The following ANO3 variants were observed in gnomAD, a reference collection of about 807,000 sequenced individuals.
ANO3 encodes the protein anoctamin-3.
ANO3 carries 99 observed loss-of-function variants against 144.8 expected under a neutral mutation model. The observed-to-expected ratio is 0.68, with a 90% CI of 0.58 to 0.81. ANO3 has a LOEUF of 0.81. Among genes scored for constraint, ANO3 ranks in the 30% least tolerant of loss-of-function variants. ANO3 has a pLI of 0.00. For missense variants in ANO3, 905 were observed against 1,202.2 expected (o/e 0.75, Z 3.66); for synonymous variants, 414 against 392.6 (o/e 1.05, Z -0.64).
chr11:26,312,098 G>C lies in ANO3; in HGVS notation c.-3+2379G>C, dbSNP rs7930639. Reference sequence around the variant, plus strand: ...CTATGAGTGAGAGCATGCAGTGTTTGGTTTTCTGTCCTTGCGATAGTTTGC... The same window carrying C: ...CTATGAGTGAGAGCATGCAGTGTTTCGTTTTCTGTCCTTGCGATAGTTTGC... On this transcript the variant is annotated intron_variant, in intron 1 of 26. Transcript: ENST00000525139. 3.0e-3 allele frequency among the ~76,000 whole-genome samples: 463 copies of C among 152,278 alleles called. 5 individuals are homozygous for C. Among genetic ancestry groups the C allele is most frequent in the African/African-American group, 0.011 (439 of 41,558 alleles).
At chr11:26,275,396 T>A (rs1325578414) in intron 1 of ANO3, among the ~76,000 whole-genome samples, 1 of 152,138 alleles carries the variant, frequency 6.6e-6, no homozygotes, top group African/African-American at 2.4e-5. Flanking sequence ...TCTAAAAAAA[T>A]CTACAATAAT....
intron 13 of ANO3, among the ~76,000 whole-genome samples, chr11:26,553,634 C>A (rs1472662791): frequency 1.3e-5 from 2 of 152,094 alleles, no homozygotes; most frequent in Non-Finnish European, 2.9e-5. Flanking sequence ...CAAACAATTA[C>A]TTCTATTGCT....
At chr11:26,245,105 T>C (rs1320623455) in intron 1 of ANO3, among the ~76,000 whole-genome samples, 1 of 151,970 alleles carries the variant, frequency 6.6e-6, no homozygotes, top group Non-Finnish European at 1.5e-5. Context: ...GAATTTTCCC[T>C]ATTATCCCCT....
chr11:26,563,441 G>A (rs1850384145), intron 14 of ANO3, among the ~76,000 whole-genome samples: 1 of 144,004 alleles, frequency 6.9e-6, no homozygotes, highest in Non-Finnish European at 1.5e-5. Context: ...GTCTTGTAAA[G>A]TACTATTTGG....
At chr11:26,425,483 T>G (rs1857892910) in intron 1 of ANO3, among the ~76,000 whole-genome samples, 1 of 152,046 alleles carries the variant, frequency 6.6e-6, no homozygotes, top group South Asian at 2.1e-4. Flanking sequence ...GTAAAACAAT[T>G]GAAACAAACA....
chr11:26,653,554 C>CT (rs897154691), intron 24 of ANO3, among the ~76,000 whole-genome samples: 1 of 152,078 alleles, frequency 6.6e-6, no homozygotes, highest in Non-Finnish European at 1.5e-5. Flanking sequence ...TTATTTCACT[C>CT]TAAGAGCCAA....
At chr11:26,619,621 C>G (rs1037300353) in intron 17 of ANO3, among the ~76,000 whole-genome samples, 4 of 151,986 alleles carry the variant, frequency 2.6e-5, no homozygotes, top group African/African-American at 9.7e-5. Context: ...GGCACATCAC[C>G]ACACCTGGCT....
chr11:26,248,374 G>C (rs1423350232), intron 1 of ANO3, among the ~76,000 whole-genome samples: 1 of 151,950 alleles, frequency 6.6e-6, no homozygotes, highest in African/African-American at 2.4e-5. Context: ...GAAAGAAAAA[G>C]GAAGGGTTTA....
At chr11:26,592,419 G>C (rs554419073) in intron 14 of ANO3, among the ~76,000 whole-genome samples, 38 of 151,956 alleles carry the variant, frequency 2.5e-4, no homozygotes, top group Non-Finnish European at 5.1e-4. Context: ...TTGACACTCT[G>C]TAAGCCTTGG....
In ANO3 at chr11:26,364,614, A is replaced by G. The variant is rs1449843820; in HGVS notation, c.46+32293A>G. Among the ~76,000 whole-genome samples, 6 of 152,326 alleles carry G rather than the reference A, an allele frequency of 3.9e-5. No individual in the cohort carries two copies. The East Asian group carries it at 9.6e-4, about 24-fold the overall frequency. The stretch of plus-strand genomic sequence containing the variant: ...GGGGATAGTCTCATTACATGGTGAA[A>G]GCAAGACCAAGAGAGAGAGTGGGGG... On this transcript the variant is annotated intron_variant, in intron 1 of 26. Coordinates refer to ENST00000256737, the MANE Select transcript of ANO3 (RefSeq NM_031418.4).
intron 14 of ANO3, among the ~76,000 whole-genome samples, chr11:26,577,603 C>A (rs1009593569): frequency 7.3e-5 from 11 of 150,812 alleles, no homozygotes; most frequent in Admixed American, 1.3e-4. Context: ...GAAAGTATTA[C>A]AGCATGGCAG....
At chr11:26,608,251 C>A (rs1472162465) in intron 17 of ANO3, among the ~76,000 whole-genome samples, 1 of 152,014 alleles carries the variant, frequency 6.6e-6, no homozygotes, top group Non-Finnish European at 1.5e-5. Flanking sequence ...TCATTTGGTT[C>A]ACCCCCATGC....
chr11:26,607,109 GC>G (rs1851957814), intron 17 of ANO3, among the ~76,000 whole-genome samples: 1 of 151,976 alleles, frequency 6.6e-6, no homozygotes, highest in Non-Finnish European at 1.5e-5. Flanking sequence ...TCAAATATTG[GC>G]CCCACTCTCT....
intron 1 of ANO3, among the ~76,000 whole-genome samples, chr11:26,200,112 G>T (rs1851664120): frequency 6.6e-6 from 1 of 152,094 alleles, no homozygotes; most frequent in Non-Finnish European, 1.5e-5. Flanking sequence ...ATGACCTGGG[G>T]AGCCTGAAAA....
chr11:26,439,845 TTAAG>T (rs1384883655), intron 1 of ANO3, among the ~76,000 whole-genome samples: 1 of 152,310 alleles, frequency 6.6e-6, no homozygotes, highest in East Asian at 1.9e-4. Context: ...AGACTGGAAT[TTAAG>T]AATCAGAGTA....
At chr11:26,229,490 A>G (rs1852342447) in intron 1 of ANO3, among the ~76,000 whole-genome samples, 1 of 152,204 alleles carries the variant, frequency 6.6e-6, no homozygotes, top group Admixed American at 6.5e-5. Context: ...ATGTGATGGA[A>G]CTTCGCCAAT....
At chr11:26,346,846 C>T (rs1855508904) in intron 1 of ANO3, among the ~76,000 whole-genome samples, 1 of 152,114 alleles carries the variant, frequency 6.6e-6, no homozygotes, top group Non-Finnish European at 1.5e-5. Flanking sequence ...AAATAACTGG[C>T]TGTCATCATT....
intron 1 of ANO3, among the ~76,000 whole-genome samples, chr11:26,223,190 G>T (rs1035726919): frequency 6.6e-6 from 1 of 151,994 alleles, no homozygotes; most frequent in African/African-American, 2.4e-5. Flanking sequence ...GCAACATCTT[G>T]AATTCTTTAC....
intron 1 of ANO3, among the ~76,000 whole-genome samples, chr11:26,277,943 G>C (rs1853593380): frequency 6.6e-6 from 1 of 152,154 alleles, no homozygotes; most frequent in Non-Finnish European, 1.5e-5. Context: ...TTCCAAGCAT[G>C]AATTGGTGGA....
Sources: gnomAD v4.1 joint callset for allele counts (sites outside exome capture counted in the v4.1 genomes callset) on GRCh38, gnomAD v4.1.1 for gene constraint, MANE v1.5 for transcripts, NCBI Gene and HGNC (gene_info 2026-07-23, HGNC 2026-07-21) for gene names.